TDRP: variants seen among roughly 807,000 people sequenced by gnomAD.
TDRP encodes testis development related protein.
A neutral mutation model predicts 10.5 loss-of-function variants in TDRP; 12 were observed. The observed-to-expected ratio is 1.15, with a 90% CI of 0.73 to 1.86. TDRP has a LOEUF of 1.86. Among genes scored for constraint, TDRP ranks in the 40% most tolerant of loss-of-function variants. The pLI, the probability that TDRP is intolerant of heterozygous loss-of-function variation, is 0.00. For synonymous variants in TDRP, 139 were observed against 95.4 expected, an observed-to-expected ratio of 1.46 and a Z score of -2.67; for missense variants, 353 against 229.2, an observed-to-expected ratio of 1.54 and a Z score of -3.49.
intron 1 of TDRP, among the ~76,000 whole-genome samples, chr8:508,096 A>G (rs1452648500): frequency 2.0e-5 from 3 of 152,178 alleles, no homozygotes; most frequent in Non-Finnish European, 4.4e-5. Flanking sequence ...AAGCTAAAGG[A>G]AAGTATGATA....
In TDRP at chr8:544,748, G is replaced by A; in HGVS notation, c.10C>T (p.Leu4=). 8 of 1,239,216 alleles carry A rather than the reference G, an allele frequency of 6.5e-6. No individual in the cohort carries two copies. The highest frequency in any genetic ancestry group is 8.1e-6 in the Non-Finnish European group (8 of 989,894). The allele number at this position is 1,239,216 out of a possible 1,614,324, so 76.8% of individuals were successfully genotyped here. A position where few individuals can be genotyped will look rare whatever the true frequency, so the allele number is the denominator to read the frequency against. Residue 4 remains leucine (L), a synonymous_variant, in exon 1 of 3, where the codon CTG becomes TTG. Coordinates refer to ENST00000324079, the MANE Select transcript of TDRP (RefSeq NM_001384899.1). Reference sequence around the variant, plus strand: ...TCCAGCAGCACTCGGCCCCGGCCCAGCTTCCACATGGTCAGGCGGGCTCCG... The same window carrying A: ...TCCAGCAGCACTCGGCCCCGGCCCAACTTCCACATGGTCAGGCGGGCTCCG... The part of the protein sequence containing the change: MWK[L]GRGRVLLDEP...
At chr8:511,915 C>G (rs62484369) in intron 1 of TDRP, among the ~76,000 whole-genome samples, 11,800 of 151,846 alleles carry the variant, frequency 0.078, 507 homozygotes, top group South Asian at 0.14. Flanking sequence ...TCAGTTAAAG[C>G]AAAGCTTAGG....
At chr8:533,737 C>T (rs971600884) in intron 1 of TDRP, among the ~76,000 whole-genome samples, 1 of 152,166 alleles carries the variant, frequency 6.6e-6, no homozygotes, top group Non-Finnish European at 1.5e-5. Context: ...AGTTCAACTG[C>T]TTCATTTTCT....
Position 544,823 on chromosome 8 carries a change from GCC to G in TDRP, c.-68_-67del. The G allele has an allele frequency of 8.8e-7, 1 of 1,141,168 alleles. No individual in the cohort carries two copies. Among genetic ancestry groups the G allele is most frequent in the Non-Finnish European group, 1.1e-6 (1 of 907,760 alleles). 70.7% of individuals were successfully genotyped at this position (1,141,168 alleles called of 1,614,324 possible). A position where few individuals can be genotyped will look rare whatever the true frequency, so the allele number is the denominator to read the frequency against. ...CTGTGGCTCCGCGTCCCTCCCGGCC[GCC>G]GGACGCTCTGCCTGCGGCTCCTGCG... On this transcript the variant is annotated 5_prime_UTR_variant, in exon 1 of 3. Transcript: ENST00000324079.
At chr8:519,717 C>G (rs1801848955) in intron 1 of TDRP, among the ~76,000 whole-genome samples, 1 of 152,098 alleles carries the variant, frequency 6.6e-6, no homozygotes, top group African/African-American at 2.4e-5. Context: ...GTGAAAAAAT[C>G]TACTCTTCAA....
intron 1 of TDRP, among the ~76,000 whole-genome samples, chr8:538,176 G>C (rs1802394775): frequency 6.6e-6 from 1 of 152,208 alleles, no homozygotes; most frequent in Non-Finnish European, 1.5e-5. Flanking sequence ...CAACCGCAAA[G>C]GAGTCTCGGG....
chr8:536,939 G>A (rs1802362238), intron 1 of TDRP, among the ~76,000 whole-genome samples: 2 of 152,060 alleles, frequency 1.3e-5, no homozygotes, highest in East Asian at 1.9e-4. Flanking sequence ...TCTGCTGACT[G>A]AGTATCTGAC....
intron 1 of TDRP, among the ~76,000 whole-genome samples, chr8:523,325 C>T (rs763116876): frequency 2.8e-4 from 43 of 152,178 alleles, no homozygotes; most frequent in Non-Finnish European, 4.9e-4. Flanking sequence ...TTAATTTTTT[C>T]GGGGGGAATG....
At position 492,591 on chromosome 8, in the gene TDRP, G is replaced by A. The variant is rs201124259; in HGVS notation, c.366C>T (p.Asp122=). 3.1e-6 allele frequency: 5 copies of A among 1,613,896 alleles called. No homozygotes were observed. The highest frequency in any genetic ancestry group is 3.3e-4 in the Middle Eastern group (2 of 6,062). Residue 122 remains aspartate, a synonymous_variant, in exon 3 of 3, where the codon GAC becomes GAT. Coordinates refer to ENST00000324079, the MANE Select transcript of TDRP (RefSeq NM_001384899.1). The part of the protein sequence containing the change: ...PKLALEDISA[D]PEDTVGGHPS... ...GGTGGCCACCCACGGTGTCCTCAGG[G>A]TCAGCCGATATGTCTTCAAGAGCAA...
At position 503,809 on chromosome 8, in the gene TDRP, C is replaced by T. The variant is rs144334012; in HGVS notation, c.109-9212G>A. On this transcript the variant is annotated intron_variant, in intron 1 of 2. Coordinates refer to ENST00000324079, the MANE Select transcript of TDRP (RefSeq NM_001384899.1). ...TGGAACCCATGCCCACCTCAGCACG[C>T]GTCAATATGGAATCAAGAGCCACAC... 1.2e-3 allele frequency among the ~76,000 whole-genome samples: 163 copies of T among 140,758 alleles called. 1 individual carries two copies. The East Asian group carries it at 0.027, about 24-fold the overall frequency. 92.3% of individuals were successfully genotyped at this position (140,758 alleles called of 152,430 possible). A position where few individuals can be genotyped will look rare whatever the true frequency, so the allele number is the denominator to read the frequency against.
intron 1 of TDRP, among the ~76,000 whole-genome samples, chr8:536,196 A>G (rs1802344826): frequency 6.6e-6 from 1 of 152,200 alleles, no homozygotes; most frequent in Non-Finnish European, 1.5e-5. Flanking sequence ...TGGCTTACTA[A>G]AAGCACACAG....
intron 1 of TDRP, among the ~76,000 whole-genome samples, chr8:530,459 C>G (rs924267008): frequency 2.6e-5 from 4 of 152,168 alleles, no homozygotes; most frequent in East Asian, 1.9e-4. Context: ...TCTGAAAAAA[C>G]AGCCACCTCT....
intron 1 of TDRP, among the ~76,000 whole-genome samples, chr8:539,631 A>G (rs979075272): frequency 7.2e-5 from 11 of 152,212 alleles, no homozygotes; most frequent in African/African-American, 1.2e-4. Context: ...CTAAAGAGAA[A>G]TAACGGAAAA....
At chr8:540,110 T>C (rs1230613141) in intron 1 of TDRP, among the ~76,000 whole-genome samples, 1 of 152,238 alleles carries the variant, frequency 6.6e-6, no homozygotes, top group African/African-American at 2.4e-5. Flanking sequence ...ACCATCCATG[T>C]TGAACAGATC....
intron 1 of TDRP, among the ~76,000 whole-genome samples, chr8:534,976 C>A (rs112672890): frequency 5.3e-5 from 8 of 152,154 alleles, no homozygotes; most frequent in African/African-American, 1.9e-4. Context: ...ACAACGCATT[C>A]TGAGTAAAAA....
intron 1 of TDRP, among the ~76,000 whole-genome samples, chr8:523,971 G>A (rs1301469149): frequency 1.3e-5 from 2 of 152,198 alleles, no homozygotes; most frequent in African/African-American, 2.4e-5. Context: ...TAGCCAGGCA[G>A]TGGTTATAGC....
intron 1 of TDRP, among the ~76,000 whole-genome samples, chr8:539,073 G>A (rs192093554): frequency 2.6e-5 from 4 of 152,272 alleles, no homozygotes; most frequent in Admixed American, 1.3e-4. Context: ...TAGGGGACTC[G>A]TTTTTTCAAT....
chr8:531,459 AG>A (rs1409788571), intron 1 of TDRP, among the ~76,000 whole-genome samples: 2 of 152,160 alleles, frequency 1.3e-5, no homozygotes, highest in African/African-American at 4.8e-5. Flanking sequence ...CTTAATCCAT[AG>A]GATCTGTGCT....
chr8:495,013 CTT>C, intron 1 of TDRP: 2 of 157,982 alleles, frequency 1.3e-5, no homozygotes, highest in Non-Finnish European at 2.8e-5. Flanking sequence ...AGGAGGATTA[CTT>C]GAGCCCAGGA....
Sources: allele counts gnomAD v4.1 joint callset (sites outside exome capture counted in the v4.1 genomes callset), GRCh38; gene constraint gnomAD v4.1.1; transcripts MANE v1.5; gene names NCBI Gene and HGNC (gene_info 2026-07-23, HGNC 2026-07-21).